CDC14B: variants seen among roughly 807,000 people sequenced by gnomAD.
CDC14B encodes the protein dual specificity protein phosphatase CDC14B.
CDC14B carries 22 observed loss-of-function variants against 64.2 expected under a neutral mutation model. The observed-to-expected ratio is 0.34, with a 90% CI of 0.24 to 0.49. The LOEUF (loss-of-function observed/expected upper bound fraction) is 0.49, where lower values mean the gene tolerates loss of function less well. Ranked by LOEUF, CDC14B falls within the 20% of genes least tolerant of loss-of-function variation. The pLI is 0.99. For missense variants in CDC14B, 498 were observed against 629.9 expected, an observed-to-expected ratio of 0.79 and a Z score of 2.24; for synonymous variants, 191 against 215.8, an observed-to-expected ratio of 0.89 and a Z score of 1.01.
intron 13 of CDC14B, among the ~76,000 whole-genome samples, chr9:96,508,341 C>T (rs1048848646): frequency 7.0e-6 from 1 of 142,788 alleles, no homozygotes; most frequent in African/African-American, 2.7e-5. Context: ...TTATGCATGG[C>T]TCTTTTCACT....
intron 9 of CDC14B, among the ~76,000 whole-genome samples, chr9:96,528,491 T>C (rs1217861426): frequency 6.6e-6 from 1 of 151,736 alleles, no homozygotes; most frequent in African/African-American, 2.4e-5. Flanking sequence ...CACAGCACTC[T>C]AGTCTGGGAA....
chr9:96,604,077 C>T (rs938383485), intron 1 of CDC14B, among the ~76,000 whole-genome samples: 4 of 152,094 alleles, frequency 2.6e-5, no homozygotes, highest in South Asian at 2.1e-4. Context: ...GGAACTTGAA[C>T]GGAATCCACA....
intron 1 of CDC14B, among the ~76,000 whole-genome samples, chr9:96,577,998 CA>C (rs1278219611): frequency 1.3e-5 from 2 of 152,106 alleles, no homozygotes; most frequent in African/African-American, 4.8e-5. Context: ...GGAAGAAAAA[CA>C]GAGTAAATAC....
chr9:96,493,927 G>C (rs1833151475), intron 13 of CDC14B, among the ~76,000 whole-genome samples: 1 of 152,172 alleles, frequency 6.6e-6, no homozygotes, highest in African/African-American at 2.4e-5. Flanking sequence ...CAGGACTCGC[G>C]CTGCCTCCAG....
chr9:96,554,156 T>G (rs1323460627), intron 4 of CDC14B, among the ~76,000 whole-genome samples: 2 of 151,352 alleles, frequency 1.3e-5, no homozygotes, highest in Non-Finnish European at 2.9e-5. Flanking sequence ...AGACCAAGAG[T>G]CAGTCTCAAA....
At chr9:96,539,973 T>C (rs1197284788) in intron 6 of CDC14B, among the ~76,000 whole-genome samples, 1 of 152,208 alleles carries the variant, frequency 6.6e-6, no homozygotes, top group Non-Finnish European at 1.5e-5. Flanking sequence ...TTTTCAAAAG[T>C]AAACTACTGA....
intron 10 of CDC14B, 73 bp from the exon 11 acceptor site, chr9:96,523,493 T>G (rs1017760167): frequency 1.3e-4 from 204 of 1,601,808 alleles, no homozygotes; most frequent in Non-Finnish European, 1.6e-4. Flanking sequence ...TACCAGATTA[T>G]CTGTTGTTGT....
chr9:96,551,110 G>GTTTTTTTTTTTTTTTT (rs1841741325), intron 5 of CDC14B, among the ~76,000 whole-genome samples: 4 of 65,968 alleles, frequency 6.1e-5, no homozygotes, highest in African/African-American at 3.4e-4. Flanking sequence ...TTTGGGGTTT[G>GTTTTTTTTTTTTTTTT]CTTTTTTTTT....
Position 96,541,831 on chromosome 9 carries a change from T to C in CDC14B, c.559A>G (p.Lys187Glu), listed in dbSNP as rs761984545. 1.9e-6 allele frequency: 3 copies of C among 1,603,196 alleles called. No individual in the cohort carries two copies. In the South Asian group the frequency reaches 3.4e-5, roughly 18 times the overall value. The change falls in exon 6 of 14, where the codon AAG becomes GAG. Residue 187 changes from lysine to glutamate, a missense_variant. Physicochemically the swap from Lys to Glu is moderately conservative, Grantham distance 56 (BLOSUM62 1). Transcript: ENST00000375241. ...GCATCCTACATGTCACTCACCTTCTTTACTGCATGAAAACAGTCAAGAAGT... is the reference window on the plus strand; with the variant it reads ...GCATCCTACATGTCACTCACCTTCTCTACTGCATGAAAACAGTCAAGAAGT... The part of the protein sequence containing the change: ...ITLLDCFHAV[K>E]KAMQYGFLNF...
intron 4 of CDC14B, among the ~76,000 whole-genome samples, chr9:96,559,815 A>G (rs897727761): frequency 6.6e-6 from 1 of 152,176 alleles, no homozygotes; most frequent in South Asian, 2.1e-4. Context: ...CAATCAAATC[A>G]GTACTAACCT....
chr9:96,518,674 T>C (rs1245733188), intron 12 of CDC14B, among the ~76,000 whole-genome samples: 1 of 152,090 alleles, frequency 6.6e-6, no homozygotes, highest in African/African-American at 2.4e-5. Context: ...TACATAAAGA[T>C]CACAGGGGTG....
Position 96,541,858 on chromosome 9 carries a change from T to C in CDC14B, c.532A>G (p.Thr178Ala). The C allele has an allele frequency of 6.2e-7, 1 of 1,609,942 alleles. No homozygotes were observed. Among genetic ancestry groups the C allele is most frequent in the African/African-American group, 1.3e-5 (1 of 75,010 alleles). The part of the protein sequence containing the change: ...AAYGSCNFYI[T>A]LLDCFHAVKK... ...ACTGCATGAAAACAGTCAAGAAGTG[T>C]AATGTAGAAATTGCAACTTCCATAG... The change falls in exon 6 of 14, where the codon ACA becomes GCA. Residue 178 changes from threonine (T) to alanine (A), a missense_variant. Physicochemically the swap from Thr to Ala is moderately conservative, Grantham distance 58. Transcript: ENST00000375241.
At chr9:96,503,811 T>G in intron 13 of CDC14B, 22 bp from the exon 14 acceptor site, 2 of 1,607,172 alleles carry the variant, frequency 1.2e-6, no homozygotes, top group Non-Finnish European at 1.7e-6. Flanking sequence ...AAAAAAAGGA[T>G]TTTTACCAGA....
In CDC14B at chr9:96,583,331, C is replaced by A. The variant is rs986665132; in HGVS notation, c.161-17848G>T. On this transcript the variant is annotated intron_variant, in intron 1 of 13. Transcript: ENST00000375241. ...AGTGTTTGAAATGTCAGTCTGGATG[C>A]GTAAACCGGCGCCACCCTCCGGCTA... 2.7e-5 allele frequency among the ~76,000 whole-genome samples: 4 copies of A among 150,706 alleles called. No individual in the cohort carries two copies. The Admixed American group carries it at 2.7e-4, about 10-fold the overall frequency.
Position 96,603,623 on chromosome 9 carries a change from T to C in CDC14B, c.160+15596A>G, listed in dbSNP as rs16911412. Among the ~76,000 whole-genome samples, 213 of 152,358 alleles carry C rather than the reference T, an allele frequency of 1.4e-3. 2 individuals are homozygous for C. The East Asian group carries it at 0.039, about 28-fold the overall frequency. On this transcript the variant is annotated intron_variant, in intron 1 of 13. Transcript: ENST00000375241. The stretch of plus-strand genomic sequence containing the variant: ...AAAATTATTTCTAAAACTATTAAGC[T>C]TCCAACGTCAAGGCTTTTATTATTG...
In CDC14B at chr9:96,501,198, C is replaced by G. The variant is rs1390911622; in HGVS notation, c.*2555G>C. ...ACCCAGTTTTGCAGACGCTCTTCCT[C>G]CGGACTGTCCCTGACTTTTGATAAT... On this transcript the variant is annotated 3_prime_UTR_variant, in exon 14 of 14. Coordinates refer to ENST00000375241, the MANE Select transcript of CDC14B (RefSeq NM_033331.4). The G allele has an allele frequency of 6.6e-6, 1 of 152,250 alleles. No homozygotes were observed. The highest frequency in any genetic ancestry group is 1.5e-5 in the Non-Finnish European group (1 of 68,050). The allele number at this position is 152,250 out of a possible 1,614,324, so 9.4% of individuals were successfully genotyped here.
chr9:96,501,071 G>T lies in CDC14B; in HGVS notation c.*2682C>A, dbSNP rs1031311850. The T allele has an allele frequency of 6.6e-6, 1 of 152,320 alleles. No individual in the cohort carries two copies. 9.4% of individuals were successfully genotyped at this position (152,320 alleles called of 1,614,324 possible). A position where few individuals can be genotyped will look rare whatever the true frequency, so the allele number is the denominator to read the frequency against. On this transcript the variant is annotated 3_prime_UTR_variant, in exon 14 of 14. Transcript: ENST00000375241. ...GGAATTCTGGAGGCCGCAGAGCTGCGTGCTGCCGGGAAGCACTGGCCACGC... is the reference window on the plus strand; with the variant it reads ...GGAATTCTGGAGGCCGCAGAGCTGCTTGCTGCCGGGAAGCACTGGCCACGC...
Position 96,523,493 on chromosome 9 carries a change from T to C in CDC14B, c.1086-73A>G. ...TGAACAACTTCTTCCTACCAGATTATCTGTTGTTGTTGGAAACTAAAGGAA... is the reference window on the plus strand; with the variant it reads ...TGAACAACTTCTTCCTACCAGATTACCTGTTGTTGTTGGAAACTAAAGGAA... On this transcript the variant is annotated intron_variant, in intron 10 of 13. Coordinates refer to ENST00000375241, the MANE Select transcript of CDC14B (RefSeq NM_033331.4). The C allele has an allele frequency of 1.2e-6, 2 of 1,601,926 alleles. 1 individual carries two copies. The highest frequency in any genetic ancestry group is 2.2e-5 in the South Asian group (2 of 90,596).
intron 8 of CDC14B, 111 bp downstream of exon 8, chr9:96,534,344 T>C: frequency 1.2e-6 from 1 of 837,392 alleles, no homozygotes; most frequent in Non-Finnish European, 1.9e-6. Flanking sequence ...TGACCAAGTA[T>C]GCTTAAATAA....
Sources: allele counts gnomAD v4.1 joint callset (sites outside exome capture counted in the v4.1 genomes callset), GRCh38; gene constraint gnomAD v4.1.1; transcripts MANE v1.5; gene names NCBI Gene and HGNC (gene_info 2026-07-23, HGNC 2026-07-21).